Variants in SNX24 observed in about 807,000 individuals in gnomAD.
SNX24 encodes sorting nexin-24.
A neutral mutation model predicts 28.7 loss-of-function variants in SNX24; 22 were observed. That is an observed-to-expected ratio of 0.77 (90% CI 0.55 to 1.10). SNX24 has a LOEUF of 1.10. SNX24 is among the 50% of genes least tolerant of loss of function. The probability of loss-of-function intolerance (pLI) is 0.00; values close to 1 mark genes in which losing one functional copy is unlikely to be tolerated. For missense variants in SNX24, 221 were observed against 201.1 expected (o/e 1.10, Z -0.60); for synonymous variants, 69 against 71.5 (o/e 0.96, Z 0.18).
At chr5:122,970,607 T>G (rs1484798667) in intron 3 of SNX24, among the ~76,000 whole-genome samples, 1 of 152,188 alleles carries the variant, frequency 6.6e-6, no homozygotes, top group East Asian at 1.9e-4. Context: ...TAGCTGGGAC[T>G]ACAGGTGCCC....
At chr5:122,867,296 AG>A (rs1018055602) in intron 1 of SNX24, among the ~76,000 whole-genome samples, 5 of 152,224 alleles carry the variant, frequency 3.3e-5, no homozygotes, top group Non-Finnish European at 5.9e-5. Context: ...CAGTGGATAC[AG>A]TATCCTGTAA....
intron 6 of SNX24, 34 bp from the exon 7 acceptor site, chr5:123,007,648 C>CTTTTTTTTTTCTTTTTTTTTTTTT: frequency 2.2e-6 from 3 of 1,389,026 alleles, no homozygotes; most frequent in African/African-American, 1.5e-5. Context: ...AGCAGTTTTT[C>CTTTTTTTTTTCTTTTTTTTTTTTT]TTTTTTTTTT....
intron 1 of SNX24, among the ~76,000 whole-genome samples, chr5:122,913,916 C>T (rs556754383): frequency 2.0e-5 from 3 of 152,260 alleles, no homozygotes; most frequent in East Asian, 3.9e-4. Context: ...GAGACCACCC[C>T]GGCCAACACA....
At chr5:122,959,522 A>C (rs1056652072) in intron 3 of SNX24, among the ~76,000 whole-genome samples, 1 of 152,054 alleles carries the variant, frequency 6.6e-6, no homozygotes, top group Non-Finnish European at 1.5e-5. Flanking sequence ...GGTGTGAGCC[A>C]CTATACCCAG....
chr5:122,956,340 T>A (rs1760208099), intron 3 of SNX24, among the ~76,000 whole-genome samples: 1 of 107,370 alleles, frequency 9.3e-6, no homozygotes, highest in Non-Finnish European at 1.8e-5. Flanking sequence ...ATAAAACCTT[T>A]AAAACACTTG....
intron 1 of SNX24, among the ~76,000 whole-genome samples, chr5:122,899,018 G>A (rs1757321832): frequency 6.6e-6 from 1 of 152,142 alleles, no homozygotes; most frequent in African/African-American, 2.4e-5. Flanking sequence ...GGGCTGTCCT[G>A]GCCATTTTTG....
At chr5:122,979,492 G>A (rs1761307545) in intron 3 of SNX24, among the ~76,000 whole-genome samples, 2 of 151,880 alleles carry the variant, frequency 1.3e-5, no homozygotes, top group Non-Finnish European at 2.9e-5. Flanking sequence ...AAATCCTAAA[G>A]AAAAAAATTT....
chr5:122,988,066 C>T (rs533937879), intron 3 of SNX24, among the ~76,000 whole-genome samples: 4 of 152,270 alleles, frequency 2.6e-5, no homozygotes, highest in African/African-American at 9.6e-5. Context: ...TCCCTGCCCC[C>T]CTTTCCAGGA....
intron 5 of SNX24, among the ~76,000 whole-genome samples, chr5:123,017,074 C>G (rs1364947049): frequency 6.6e-6 from 1 of 152,054 alleles, no homozygotes; most frequent in Non-Finnish European, 1.5e-5. Context: ...CAAAGCAGAG[C>G]ACCGAGATCA....
rs558732660 is a variant in SNX24 at position 122,861,327 on chromosome 5, G to A, written c.60+15634G>A. On this transcript the variant is annotated intron_variant, in intron 1 of 6. Coordinates refer to ENST00000261369, the MANE Select transcript of SNX24 (RefSeq NM_014035.4). ...TGTACTTCAGCCTGGGTGACAGAGC[G>A]AGACTTTGTCCACCACCCCTCCCAA... Among the ~76,000 whole-genome samples, 5 of 152,254 alleles carry A rather than the reference G, an allele frequency of 3.3e-5. No homozygotes were observed. The East Asian group carries it at 5.8e-4, about 18-fold the overall frequency.
intron 1 of SNX24, among the ~76,000 whole-genome samples, chr5:122,926,226 T>G (rs185953396): frequency 6.6e-6 from 1 of 152,174 alleles, no homozygotes. Flanking sequence ...AAAAGCCTGT[T>G]ATAGGTGGCA....
chr5:122,959,471 G>A (rs1383232724), intron 3 of SNX24, among the ~76,000 whole-genome samples: 2 of 151,648 alleles, frequency 1.3e-5, no homozygotes, highest in Non-Finnish European at 1.5e-5. Context: ...CTGGGCTCAA[G>A]CGATCTGCCC....
chr5:123,005,422 T>A (rs1313770078), intron 6 of SNX24, among the ~76,000 whole-genome samples: 1 of 152,172 alleles, frequency 6.6e-6, no homozygotes, highest in Non-Finnish European at 1.5e-5. Context: ...TTCCCTCACT[T>A]CCCTGTCTCT....
At chr5:122,846,958 T>C (rs912421824) in intron 1 of SNX24, among the ~76,000 whole-genome samples, 4 of 124,034 alleles carry the variant, frequency 3.2e-5, no homozygotes, top group Admixed American at 3.1e-4. Flanking sequence ...TGTTCAAGGC[T>C]TTTTTTTTTT....
intron 3 of SNX24, among the ~76,000 whole-genome samples, chr5:122,999,151 G>T (rs928868982): frequency 2.0e-5 from 3 of 152,128 alleles, no homozygotes; most frequent in African/African-American, 7.2e-5. Context: ...TTCTTTGTCA[G>T]ATTTCTCCTT....
At chr5:122,866,610 T>C (rs1653868540) in intron 1 of SNX24, among the ~76,000 whole-genome samples, 1 of 152,220 alleles carries the variant, frequency 6.6e-6, no homozygotes, top group Non-Finnish European at 1.5e-5. Context: ...GCTGCAGTTT[T>C]TTTCATTGAC....
At chr5:122,860,525 A>T (rs976559196) in intron 1 of SNX24, among the ~76,000 whole-genome samples, 2 of 152,216 alleles carry the variant, frequency 1.3e-5, no homozygotes, top group East Asian at 3.8e-4. Flanking sequence ...TTAGCCCTGT[A>T]GGAGATGAAG....
chr5:123,017,896 C>T (rs1218219037), intron 5 of SNX24, among the ~76,000 whole-genome samples: 1 of 152,066 alleles, frequency 6.6e-6, no homozygotes, highest in Non-Finnish European at 1.5e-5. Context: ...GTCTTGGGTA[C>T]GTCTTTATCA....
chr5:122,932,699 A>T (rs1759006701), intron 1 of SNX24, among the ~76,000 whole-genome samples: 1 of 152,032 alleles, frequency 6.6e-6, no homozygotes, highest in South Asian at 2.1e-4. Flanking sequence ...TCTACTAAAA[A>T]TACAAAAAAA....
Sources: gnomAD v4.1 joint callset for allele counts (sites outside exome capture counted in the v4.1 genomes callset) on GRCh38, gnomAD v4.1.1 for gene constraint, MANE v1.5 for transcripts, NCBI Gene and HGNC (gene_info 2026-07-23, HGNC 2026-07-21) for gene names.